SSBP2: variants seen among roughly 807,000 people sequenced by gnomAD.
The protein encoded by SSBP2 is single-stranded DNA-binding protein 2.
A neutral mutation model predicts 61.8 loss-of-function variants in SSBP2; 17 were observed. The ratio of observed to expected loss-of-function variants is 0.28; its 90% CI spans 0.19 to 0.41. The LOEUF is 0.41. Ranked by LOEUF, SSBP2 falls within the 10% of genes least tolerant of loss-of-function variation. SSBP2 has a pLI of 1.00. For missense variants in SSBP2, 310 were observed against 458.7 expected, an observed-to-expected ratio of 0.68 and a Z score of 2.96; for synonymous variants, 139 against 141.3, an observed-to-expected ratio of 0.98 and a Z score of 0.12.
intron 10 of SSBP2, among the ~76,000 whole-genome samples, chr5:81,450,463 T>C (rs1277602675): frequency 6.6e-6 from 1 of 152,242 alleles, no homozygotes; most frequent in Non-Finnish European, 1.5e-5. Flanking sequence ...TCATCATTCT[T>C]AAGCAACTTT....
Position 81,700,092 on chromosome 5 carries a change from C to T in SSBP2, c.63-49753G>A, listed in dbSNP as rs1753872803. 5.9e-5 allele frequency among the ~76,000 whole-genome samples: 9 copies of T among 152,220 alleles called. No homozygotes were observed. In the South Asian group the frequency reaches 1.9e-3, roughly 32 times the overall value. On this transcript the variant is annotated intron_variant, in intron 1 of 16. Coordinates refer to ENST00000320672, the MANE Select transcript of SSBP2 (RefSeq NM_012446.5). ...AAACTCCTGGACTCAAGTAATCCTC[C>T]TACCTTGGCTCCCAAAGTGCTAGGA...
intron 6 of SSBP2, among the ~76,000 whole-genome samples, chr5:81,478,357 C>T (rs957376898): frequency 2.0e-5 from 3 of 151,458 alleles, no homozygotes; most frequent in African/African-American, 7.3e-5. Flanking sequence ...TATTTTTTTT[C>T]TGATACAGAG....
intron 1 of SSBP2, among the ~76,000 whole-genome samples, chr5:81,684,892 G>A (rs1015743262): frequency 2.0e-5 from 3 of 152,124 alleles, no homozygotes; most frequent in African/African-American, 7.2e-5. Context: ...AAGGACATAA[G>A]ATTTGGGAGG....
chr5:81,548,120 T>C (rs1422838626), intron 4 of SSBP2, among the ~76,000 whole-genome samples: 1 of 152,206 alleles, frequency 6.6e-6, no homozygotes, highest in Non-Finnish European at 1.5e-5. Context: ...CATAATCTTT[T>C]TGCTGTTGGA....
chr5:81,659,195 G>T (rs894394387), intron 1 of SSBP2, among the ~76,000 whole-genome samples: 6 of 152,048 alleles, frequency 3.9e-5, no homozygotes, highest in African/African-American at 9.7e-5. Context: ...GAAATAAAGG[G>T]TATTAAAATA....
chr5:81,662,212 T>G (rs1750750508), intron 1 of SSBP2, among the ~76,000 whole-genome samples: 1 of 152,172 alleles, frequency 6.6e-6, no homozygotes, highest in African/African-American at 2.4e-5. Context: ...ATGCCTGTAA[T>G]CCCAGCACTT....
chr5:81,644,837 T>A (rs933522965), intron 2 of SSBP2, among the ~76,000 whole-genome samples: 1 of 152,108 alleles, frequency 6.6e-6, no homozygotes, highest in Non-Finnish European at 1.5e-5. Context: ...CTTGCAACAA[T>A]CTACAATATT....
intron 1 of SSBP2, among the ~76,000 whole-genome samples, chr5:81,694,716 T>G (rs1437491764): frequency 6.6e-6 from 1 of 152,136 alleles, no homozygotes; most frequent in Non-Finnish European, 1.5e-5. Context: ...GGCTCATGCC[T>G]CTAATCCTAA....
At chr5:81,718,444 G>A (rs1301501674) in intron 1 of SSBP2, among the ~76,000 whole-genome samples, 1 of 152,164 alleles carries the variant, frequency 6.6e-6, no homozygotes, top group African/African-American at 2.4e-5. Context: ...AAGTAAGCTA[G>A]CTCATGTCAG....
At chr5:81,747,461 C>CA (rs1757431554) in intron 1 of SSBP2, among the ~76,000 whole-genome samples, 1 of 151,926 alleles carries the variant, frequency 6.6e-6, no homozygotes, top group African/African-American at 2.4e-5. Context: ...AAAAAATATA[C>CA]ATAAAACACT....
At chr5:81,702,464 A>T (rs554050013) in intron 1 of SSBP2, among the ~76,000 whole-genome samples, 1 of 152,236 alleles carries the variant, frequency 6.6e-6, no homozygotes, top group African/African-American at 2.4e-5. Context: ...TCTCACTTAT[A>T]TAAGGGCTCT....
intron 1 of SSBP2, among the ~76,000 whole-genome samples, chr5:81,712,747 T>G (rs1158836587): frequency 6.6e-6 from 1 of 151,624 alleles, no homozygotes; most frequent in Non-Finnish European, 1.5e-5. Context: ...TTTTTGTTTT[T>G]TTTGACACAG....
At chr5:81,597,124 T>C (rs921907856) in intron 4 of SSBP2, among the ~76,000 whole-genome samples, 1 of 152,182 alleles carries the variant, frequency 6.6e-6, no homozygotes. Flanking sequence ...GACAAAGGGC[T>C]AATATGCAGA....
At chr5:81,473,244 CATTT>C (rs1386580035) in intron 8 of SSBP2, among the ~76,000 whole-genome samples, 1 of 152,212 alleles carries the variant, frequency 6.6e-6, no homozygotes. Context: ...TTTTATTATT[CATTT>C]ATTTATTTTA....
At chr5:81,727,324 C>T (rs1581429809) in intron 1 of SSBP2, among the ~76,000 whole-genome samples, 2 of 152,186 alleles carry the variant, frequency 1.3e-5, no homozygotes, top group East Asian at 3.9e-4. Flanking sequence ...CCGAGGCAGG[C>T]AGATCACCTG....
chr5:81,493,600 CA>C (rs1377087529), intron 5 of SSBP2, among the ~76,000 whole-genome samples: 1 of 151,968 alleles, frequency 6.6e-6, no homozygotes, highest in Non-Finnish European at 1.5e-5. Context: ...GTAAAAAATA[CA>C]AAAAATTAGC....
At chr5:81,635,824 T>C (rs1748170329) in intron 3 of SSBP2, among the ~76,000 whole-genome samples, 1 of 152,122 alleles carries the variant, frequency 6.6e-6, no homozygotes, top group Non-Finnish European at 1.5e-5. Flanking sequence ...GACCTTGTGA[T>C]CCACCCGCCT....
chr5:81,617,790 C>A (rs796214158), intron 3 of SSBP2, among the ~76,000 whole-genome samples: 4,735 of 89,192 alleles, frequency 0.053, 325 homozygotes, highest in African/African-American at 0.13. Context: ...AGAGTGGGGG[C>A]CAATATTCAA....
Position 81,615,455 on chromosome 5 carries a change from A to G in SSBP2, c.282+18T>C, listed in dbSNP as rs762207876. On this transcript the variant is annotated intron_variant, in intron 4 of 16. Transcript: ENST00000320672. ...GAAAACTGACAGTGTAACTTTGTAA[A>G]ATTATATGTTAACTTACGTAATCAT... 4 of 1,589,818 alleles carry G rather than the reference A, an allele frequency of 2.5e-6. No homozygotes were observed. Among genetic ancestry groups the G allele is most frequent in the Non-Finnish European group, 3.5e-6 (4 of 1,158,602 alleles).
Sources: gnomAD v4.1 joint callset for allele counts (sites outside exome capture counted in the v4.1 genomes callset) on GRCh38, gnomAD v4.1.1 for gene constraint, MANE v1.5 for transcripts, NCBI Gene and HGNC (gene_info 2026-07-23, HGNC 2026-07-21) for gene names.